Variants in CDH18 observed in about 807,000 individuals in gnomAD.
The protein encoded by CDH18 is cadherin 18, also known as cadherin-18.
A neutral mutation model predicts 67.9 loss-of-function variants in CDH18; 31 were observed. The ratio of observed to expected loss-of-function variants is 0.46; its 90% CI spans 0.34 to 0.62. CDH18 has a LOEUF of 0.62. Among genes scored for constraint, CDH18 ranks in the 20% least tolerant of loss-of-function variants. The pLI is 0.01. For missense variants in CDH18, 890 were observed against 975.5 expected (o/e 0.91, Z 1.17); for synonymous variants, 362 against 347.2 (o/e 1.04, Z -0.48).
At chr5:20,550,003 C>T (rs116320714) in intron 1 of CDH18, among the ~76,000 whole-genome samples, 4,143 of 152,178 alleles carry the variant, frequency 0.027, 94 homozygotes, top group African/African-American at 0.064. Context: ...ATTTGAAATG[C>T]ACAGACTGTA....
chr5:20,278,327 A>G (rs1403829456), intron 1 of CDH18, among the ~76,000 whole-genome samples: 1 of 152,122 alleles, frequency 6.6e-6, no homozygotes, highest in Non-Finnish European at 1.5e-5. Context: ...CGTTTGGTGC[A>G]AATCTTACAG....
intron 5 of CDH18, among the ~76,000 whole-genome samples, chr5:19,704,598 GA>G (rs756557417): frequency 6.6e-5 from 10 of 152,058 alleles, no homozygotes; most frequent in Non-Finnish European, 2.9e-5. Context: ...CAAAGTTTAG[GA>G]TATTATTTTT....
intron 7 of CDH18, among the ~76,000 whole-genome samples, chr5:19,583,471 A>G (rs1031881932): frequency 6.6e-6 from 1 of 152,152 alleles, no homozygotes; most frequent in African/African-American, 2.4e-5. Context: ...TGAAGACAGT[A>G]TATACATTGT....
In CDH18 at chr5:19,483,378, G is replaced by A. The variant is rs753430728; in HGVS notation, c.1805C>T (p.Ala602Val). ...ACCAGCCGAGGACAGGAAGGCTTCTGCATGGCAGGTCCGCACACGCCCATC... is the reference window on the plus strand; with the variant it reads ...ACCAGCCGAGGACAGGAAGGCTTCTACATGGCAGGTCCGCACACGCCCATC... Reference protein sequence around the residue: ...ERDGRVRTCHAEAFLSSAGLS... With the variant: ...ERDGRVRTCHVEAFLSSAGLS... Residue 602 changes from alanine (A) to valine (V), a missense_variant, in exon 12 of 13, where the codon GCA becomes GTA. By Grantham distance (64) the Ala-to-Val change is moderately conservative (BLOSUM62 0). Around this residue, in one of 2 missense-constraint regions of CDH18, gnomAD observed 656 missense variants for 668.1 expected, o/e 0.98. Coordinates refer to ENST00000382275, the MANE Select transcript of CDH18 (RefSeq NM_004934.5). The A allele has an allele frequency of 4.3e-6, 7 of 1,614,104 alleles. No individual in the cohort carries two copies. In the South Asian group the frequency reaches 7.7e-5, roughly 18 times the overall value.
intron 9 of CDH18, among the ~76,000 whole-genome samples, chr5:19,523,065 T>A (rs576436702): frequency 6.6e-6 from 1 of 152,046 alleles, no homozygotes; most frequent in Non-Finnish European, 1.5e-5. Context: ...GATGATGGCA[T>A]TACAGATCAA....
intron 3 of CDH18, among the ~76,000 whole-genome samples, chr5:19,761,152 A>G (rs939944612): frequency 1.3e-5 from 2 of 152,130 alleles, no homozygotes; most frequent in African/African-American, 4.8e-5. Flanking sequence ...CACTCACATG[A>G]TAAGAGCTTA....
intron 1 of CDH18, among the ~76,000 whole-genome samples, chr5:20,396,166 G>A (rs1259773947): frequency 1.3e-5 from 2 of 152,148 alleles, no homozygotes; most frequent in African/African-American, 2.4e-5. Context: ...CTTGTGATTG[G>A]CATCTATAGT....
intron 2 of CDH18, among the ~76,000 whole-genome samples, chr5:20,101,112 G>A (rs1277020755): frequency 6.6e-6 from 1 of 151,596 alleles, no homozygotes; most frequent in African/African-American, 2.4e-5. Context: ...CACCACATCG[G>A]GCTTTTTTTT....
chr5:20,524,385 ATGTT>A (rs1270123451), intron 1 of CDH18, among the ~76,000 whole-genome samples: 1 of 152,204 alleles, frequency 6.6e-6, no homozygotes, highest in Admixed American at 6.6e-5. Flanking sequence ...ATTAAAGACA[ATGTT>A]TGTTTAGTCA....
At chr5:20,261,828 C>A (rs151102868) in intron 1 of CDH18, among the ~76,000 whole-genome samples, 2,213 of 152,058 alleles carry the variant, frequency 0.015, 31 homozygotes, top group South Asian at 0.029. Flanking sequence ...GACTGAATAG[C>A]ATTGGAAAAT....
At chr5:20,045,290 A>G (rs1487015043) in intron 2 of CDH18, among the ~76,000 whole-genome samples, 3 of 152,152 alleles carry the variant, frequency 2.0e-5, no homozygotes, top group Non-Finnish European at 4.4e-5. Context: ...TGATGGAGCA[A>G]TCATTTTTGG....
intron 1 of CDH18, among the ~76,000 whole-genome samples, chr5:20,560,822 TA>T (rs1758165892): frequency 6.6e-6 from 1 of 151,944 alleles, no homozygotes; most frequent in Non-Finnish European, 1.5e-5. Context: ...TTATGAGAAT[TA>T]GAAGACGAGC....
intron 1 of CDH18, among the ~76,000 whole-genome samples, chr5:20,564,123 T>A (rs1417290122): frequency 6.6e-6 from 1 of 152,018 alleles, no homozygotes; most frequent in African/African-American, 2.4e-5. Flanking sequence ...TCGGTTCACC[T>A]ATCTCTCCAG....
intron 3 of CDH18, among the ~76,000 whole-genome samples, chr5:19,824,300 A>G (rs117929414): frequency 6.6e-6 from 1 of 152,284 alleles, no homozygotes; most frequent in East Asian, 1.9e-4. Flanking sequence ...GGACCCATCA[A>G]GGCAGCAAAG....
At chr5:20,310,471 A>T (rs1484158221) in intron 1 of CDH18, among the ~76,000 whole-genome samples, 1 of 152,204 alleles carries the variant, frequency 6.6e-6, no homozygotes, top group Admixed American at 6.5e-5. Flanking sequence ...AGTGATTAAG[A>T]ACAGACCAGA....
Position 19,473,248 on chromosome 5 carries a change from A to T in CDH18, c.2351T>A (p.Ile784Lys). ...CCCCTAAGTTGTTCTTTCAGATTCTATTTCTCCATAGAGTTCAGCTAACTT... is the reference window on the plus strand; with the variant it reads ...CCCCTAAGTTGTTCTTTCAGATTCTTTTTCTCCATAGAGTTCAGCTAACTT... ...FKKLAELYGE[I>K]ESERTT Residue 784 changes from isoleucine to lysine, a missense_variant, in exon 13 of 13, where the codon ATA becomes AAA. Physicochemically the swap from Ile to Lys is moderately radical, Grantham distance 102. This residue lies in a region of CDH18 where 656 missense variants were observed against 668.1 expected (regional missense o/e 0.98). Transcript: ENST00000382275. 6.2e-7 allele frequency: 1 copy of T among 1,613,320 alleles called. No homozygotes were observed.
In CDH18 at chr5:20,164,277, T is replaced by C. The variant is rs1736117884; in HGVS notation, c.-518+91167A>G. Among the ~76,000 whole-genome samples the C allele has an allele frequency of 2.0e-5, 3 of 152,050 alleles. No homozygotes were observed. In the South Asian group the frequency reaches 6.2e-4, roughly 31 times the overall value. ...TCTTTCTAAATCATCCAGTATTTTG[T>C]TTGTTTGTTTGTTTTTTGTATTTTT... On this transcript the variant is annotated intron_variant, in intron 2 of 14. Transcript: ENST00000507958.
intron 6 of CDH18, among the ~76,000 whole-genome samples, chr5:19,599,506 C>T (rs1746710360): frequency 6.6e-6 from 1 of 151,976 alleles, no homozygotes. Context: ...ATATTTTGGT[C>T]ATCATATACA....
chr5:20,231,493 G>T (rs921783368), intron 2 of CDH18, among the ~76,000 whole-genome samples: 1 of 151,996 alleles, frequency 6.6e-6, no homozygotes, highest in African/African-American at 2.4e-5. Context: ...CAGCTACTCA[G>T]GAGGCTGAGA....
Sources: gnomAD v4.1 joint callset for allele counts (sites outside exome capture counted in the v4.1 genomes callset) on GRCh38, gnomAD v4.1.1 for gene constraint, gnomAD v4.1.1 regional missense constraint, MANE v1.5 for transcripts, NCBI Gene and HGNC (gene_info 2026-07-23, HGNC 2026-07-21) for gene names.